PTPRT: variants seen among roughly 807,000 people sequenced by gnomAD.
The protein encoded by PTPRT is receptor-type tyrosine-protein phosphatase T.
Under a neutral mutation model 176.8 loss-of-function variants are expected in PTPRT, and 56 were observed. That is an observed-to-expected ratio of 0.32 (90% CI 0.26 to 0.40). The LOEUF (loss-of-function observed/expected upper bound fraction) is 0.40, where lower values mean the gene tolerates loss of function less well. Among genes scored for constraint, PTPRT ranks in the 10% least tolerant of loss-of-function variants. The probability of loss-of-function intolerance (pLI) is 1.00; values close to 1 mark genes in which losing one functional copy is unlikely to be tolerated. For synonymous variants in PTPRT, 783 were observed against 739.0 expected, an observed-to-expected ratio of 1.06 and a Z score of -0.96; for missense variants, 1,540 against 1,908.2, an observed-to-expected ratio of 0.81 and a Z score of 3.60.
chr20:42,343,351 C>T (rs1307407177), intron 11 of PTPRT, among the ~76,000 whole-genome samples: 5 of 152,188 alleles, frequency 3.3e-5, no homozygotes, highest in Admixed American at 3.3e-4. Context: ...AGCCAGAAAA[C>T]TGGGAGTCAT....
rs542813895 is a variant in PTPRT at position 43,038,864 on chromosome 20, A to C, written c.88+150782T>G. ...TACAAAAGAAATACAGATAAATAAA[A>C]AATAAACAAGAAATATGCAAGACCT... On this transcript the variant is annotated intron_variant, in intron 1 of 30. Transcript: ENST00000373187. Among the ~76,000 whole-genome samples, 4 of 152,328 alleles carry C rather than the reference A, an allele frequency of 2.6e-5. No individual in the cohort carries two copies. In the South Asian group the frequency reaches 6.2e-4, roughly 24 times the overall value.
chr20:42,086,057 C>A (rs1049145922), intron 27 of PTPRT, among the ~76,000 whole-genome samples: 1 of 151,824 alleles, frequency 6.6e-6, no homozygotes, highest in African/African-American at 2.4e-5. Flanking sequence ...AAGTGATTCT[C>A]CTGCCTCAGC....
chr20:42,814,785 A>G (rs1454858780), intron 2 of PTPRT, among the ~76,000 whole-genome samples: 1 of 152,172 alleles, frequency 6.6e-6, no homozygotes, highest in Non-Finnish European at 1.5e-5. Flanking sequence ...ATTTTTATTC[A>G]CTTCTCAGAA....
intron 16 of PTPRT, among the ~76,000 whole-genome samples, chr20:42,183,527 AT>A (rs1600644465): frequency 2.0e-5 from 3 of 152,240 alleles, no homozygotes; most frequent in South Asian, 4.1e-4. Flanking sequence ...CTTGCTTGTA[AT>A]AGCAGAATTA....
intron 7 of PTPRT, among the ~76,000 whole-genome samples, chr20:42,522,795 T>C (rs117131981): frequency 7.2e-4 from 110 of 152,314 alleles, no homozygotes; most frequent in Non-Finnish European, 1.2e-3. Context: ...CATGTGTTTT[T>C]ATTTCGATTA....
intron 18 of PTPRT, among the ~76,000 whole-genome samples, chr20:42,137,397 C>T (rs1988427610): frequency 6.6e-6 from 1 of 152,212 alleles, no homozygotes; most frequent in Admixed American, 6.5e-5. Flanking sequence ...ATAGCCCCAC[C>T]TCCTTCTGGA....
At chr20:42,681,307 CA>C (rs1459387867) in intron 6 of PTPRT, among the ~76,000 whole-genome samples, 2 of 152,120 alleles carry the variant, frequency 1.3e-5, no homozygotes, top group Admixed American at 1.3e-4. Flanking sequence ...ATTTGCCAGA[CA>C]GAGCACTGAG....
At chr20:43,185,277 T>C (rs534386248) in intron 1 of PTPRT, among the ~76,000 whole-genome samples, 1 of 152,378 alleles carries the variant, frequency 6.6e-6, no homozygotes, top group South Asian at 2.1e-4. Flanking sequence ...GTTTGTTTTC[T>C]TATTCTTTGC....
chr20:42,448,401 A>G (rs2145853147), intron 8 of PTPRT, 72 bp from the exon 9 acceptor site: 1 of 1,184,844 alleles, frequency 8.4e-7, no homozygotes, highest in South Asian at 1.2e-5. Flanking sequence ...GACCTAGAAC[A>G]GGGGTTGACA....
At chr20:42,252,836 C>A (rs916380519) in intron 13 of PTPRT, among the ~76,000 whole-genome samples, 7 of 152,212 alleles carry the variant, frequency 4.6e-5, no homozygotes, top group African/African-American at 1.7e-4. Flanking sequence ...TCAATGAGTT[C>A]AGCCAACAGG....
chr20:42,500,161 TG>T (rs1356238646), intron 7 of PTPRT, among the ~76,000 whole-genome samples: 1 of 152,050 alleles, frequency 6.6e-6, no homozygotes, highest in Non-Finnish European at 1.5e-5. Flanking sequence ...GTTTTATTTT[TG>T]TTGCTACTGT....
chr20:42,749,802 T>C (rs567788576), intron 6 of PTPRT, among the ~76,000 whole-genome samples: 31 of 152,310 alleles, frequency 2.0e-4, no homozygotes, highest in African/African-American at 7.0e-4. Context: ...AGTCAGCTAC[T>C]CCAGGCATTC....
intron 15 of PTPRT, among the ~76,000 whole-genome samples, chr20:42,209,012 A>T (rs2055547719): frequency 6.6e-6 from 1 of 152,232 alleles, no homozygotes; most frequent in South Asian, 2.1e-4. Context: ...CCGCTCAACG[A>T]CATGGAAACT....
chr20:42,910,607 G>C (rs141809826), intron 1 of PTPRT, among the ~76,000 whole-genome samples: 95 of 152,218 alleles, frequency 6.2e-4, no homozygotes, highest in Middle Eastern at 6.8e-3. Context: ...TCACATACTT[G>C]ATCTCAGCCA....
At chr20:42,781,254 C>T (rs73098053) in intron 3 of PTPRT, among the ~76,000 whole-genome samples, 2 of 152,238 alleles carry the variant, frequency 1.3e-5, no homozygotes, top group Admixed American at 6.5e-5. Flanking sequence ...TCCTTTGCAC[C>T]TTTATTTCAA....
rs566982245 is a variant in PTPRT, at chr20:42,162,308, C to T, written c.2492-766G>A. ...CGGGCCTGGATGCTATGTCTCATCG[C>T]CTTCATAAAATCTCTCCCTGATGTA... On this transcript the variant is annotated intron_variant, in intron 16 of 30. Transcript: ENST00000373187. 4.1e-4 allele frequency among the ~76,000 whole-genome samples: 62 copies of T among 152,282 alleles called. 1 individual carries two copies. Among genetic ancestry groups the T allele is most frequent in the African/African-American group, 1.4e-3 (60 of 41,566 alleles).
chr20:42,588,411 T>TATACC (rs2073509492), intron 7 of PTPRT, among the ~76,000 whole-genome samples: 1 of 151,860 alleles, frequency 6.6e-6, no homozygotes, highest in Non-Finnish European at 1.5e-5. Context: ...TTTGTGCCAC[T>TATACC]ATACCCAGCC....
intron 11 of PTPRT, among the ~76,000 whole-genome samples, chr20:42,350,399 A>T (rs1254761022): frequency 6.6e-6 from 1 of 151,766 alleles, no homozygotes; most frequent in African/African-American, 2.4e-5. Context: ...CAGCTAATTT[A>T]AAAAATTTTT....
At chr20:42,790,775 G>T (rs2077362860) in intron 3 of PTPRT, among the ~76,000 whole-genome samples, 1 of 151,952 alleles carries the variant, frequency 6.6e-6, no homozygotes, top group East Asian at 1.9e-4. Context: ...CATCCTAATT[G>T]CCTTCCCCAG....
Sources: gnomAD v4.1 joint callset for allele counts (sites outside exome capture counted in the v4.1 genomes callset) on GRCh38, gnomAD v4.1.1 for gene constraint, MANE v1.5 for transcripts, NCBI Gene and HGNC (gene_info 2026-07-23, HGNC 2026-07-21) for gene names.